CLSTN2: variants seen among roughly 807,000 people sequenced by gnomAD.
CLSTN2 encodes the protein calsyntenin 2.
In CLSTN2, 48 loss-of-function variants were observed where a neutral mutation model predicts 101.2. That is an observed-to-expected ratio of 0.47 (90% CI 0.38 to 0.60). The LOEUF (loss-of-function observed/expected upper bound fraction) is 0.60. Ranked by LOEUF, CLSTN2 falls within the 20% of genes least tolerant of loss-of-function variation. The probability of loss-of-function intolerance (pLI) is 0.00; values close to 1 mark genes in which losing one functional copy is unlikely to be tolerated. For missense variants in CLSTN2, 1,160 were observed against 1,238.2 expected, an observed-to-expected ratio of 0.94 and a Z score of 0.95; for synonymous variants, 481 against 463.6, an observed-to-expected ratio of 1.04 and a Z score of -0.48.
chr3:140,326,263 G>A (rs1423293842), intron 2 of CLSTN2, among the ~76,000 whole-genome samples: 2 of 152,182 alleles, frequency 1.3e-5, no homozygotes, highest in African/African-American at 4.8e-5. Flanking sequence ...CTTGTCAGCA[G>A]CATCTCACAA....
At chr3:140,292,694 T>G (rs1291655758) in intron 2 of CLSTN2, among the ~76,000 whole-genome samples, 1 of 152,222 alleles carries the variant, frequency 6.6e-6, no homozygotes, top group Non-Finnish European at 1.5e-5. Context: ...AGTAAGTTAC[T>G]TAACCTCTCT....
intron 9 of CLSTN2, among the ~76,000 whole-genome samples, chr3:140,533,511 C>T (rs1035625780): frequency 1.5e-4 from 23 of 151,880 alleles, no homozygotes; most frequent in Non-Finnish European, 2.9e-4. Context: ...AGATCGAGAC[C>T]ATCCTGGCTA....
At chr3:140,290,364 T>C (rs570174485) in intron 2 of CLSTN2, among the ~76,000 whole-genome samples, 1 of 152,268 alleles carries the variant, frequency 6.6e-6, no homozygotes, top group South Asian at 2.1e-4. Flanking sequence ...TCCCATCCTC[T>C]GGGGCATTAA....
At chr3:140,551,282 T>C (rs1463901155) in intron 10 of CLSTN2, among the ~76,000 whole-genome samples, 2 of 152,162 alleles carry the variant, frequency 1.3e-5, no homozygotes, top group African/African-American at 4.8e-5. Context: ...CCTTTTGTGA[T>C]TAAGGAAATT....
Position 140,288,510 on chromosome 3 carries a change from T to C in CLSTN2, c.232+112437T>C, listed in dbSNP as rs147772259. Among the ~76,000 whole-genome samples, 260 of 152,286 alleles carry C rather than the reference T, an allele frequency of 1.7e-3. 1 individual carries two copies. The highest frequency in any genetic ancestry group is 2.7e-3 in the Non-Finnish European group (185 of 68,008). On this transcript the variant is annotated intron_variant, in intron 2 of 16. Coordinates refer to ENST00000458420, the MANE Select transcript of CLSTN2 (RefSeq NM_022131.3). ...TTCAGCAGTGCTACTTGAGAAAAAG[T>C]GCAGCTAATTGAGACACTTTTATTC...
At chr3:140,144,445 T>TA (rs1425046915) in intron 1 of CLSTN2, among the ~76,000 whole-genome samples, 1 of 151,902 alleles carries the variant, frequency 6.6e-6, no homozygotes. Context: ...CCATCTCTAC[T>TA]AAAAAATACA....
chr3:140,403,679 G>C lies in CLSTN2; in HGVS notation c.283G>C (p.Val95Leu). 6.2e-7 allele frequency: 1 copy of C among 1,614,172 alleles called. No homozygotes were observed. The highest frequency in any genetic ancestry group is 8.5e-7 in the Non-Finnish European group (1 of 1,179,998). ...TGGCCAGGAGCTGCCCTTTGAGGCTGTGGTGCTCAACAAGACATCAGGAGA... is the reference window on the plus strand; with the variant it reads ...TGGCCAGGAGCTGCCCTTTGAGGCTCTGGTGCTCAACAAGACATCAGGAGA... Reference protein sequence around the residue: ...IHGQELPFEAVVLNKTSGEGR... With the variant: ...IHGQELPFEALVLNKTSGEGR... Residue 95 changes from valine (V) to leucine (L), a missense_variant, in exon 3 of 17, where the codon GTG (valine) becomes CTG (leucine). Coordinates refer to ENST00000458420, the MANE Select transcript of CLSTN2 (RefSeq NM_022131.3).
intron 2 of CLSTN2, among the ~76,000 whole-genome samples, chr3:140,273,826 G>A (rs1422247121): frequency 1.3e-5 from 2 of 152,174 alleles, no homozygotes; most frequent in African/African-American, 2.4e-5. Context: ...GCACTTTGTA[G>A]TTGATCAGTT....
chr3:140,067,567 G>A (rs1366909878), intron 1 of CLSTN2, among the ~76,000 whole-genome samples: 7 of 152,142 alleles, frequency 4.6e-5, no homozygotes, highest in Admixed American at 4.6e-4. Flanking sequence ...AGGAGAAGGT[G>A]GAGTCTCAGA....
At chr3:140,301,283 T>C (rs2087055680) in intron 2 of CLSTN2, among the ~76,000 whole-genome samples, 1 of 152,234 alleles carries the variant, frequency 6.6e-6, no homozygotes, top group Non-Finnish European at 1.5e-5. Flanking sequence ...AAAGCTGATA[T>C]TTTAAAAGTA....
At chr3:139,968,096 A>G (rs1399241415) in intron 1 of CLSTN2, among the ~76,000 whole-genome samples, 1 of 152,190 alleles carries the variant, frequency 6.6e-6, no homozygotes, top group African/African-American at 2.4e-5. Context: ...GAGAAGCCCA[A>G]ATAAGACTCT....
At chr3:139,981,795 C>G (rs557459269) in intron 1 of CLSTN2, among the ~76,000 whole-genome samples, 1 of 152,318 alleles carries the variant, frequency 6.6e-6, no homozygotes, top group African/African-American at 2.4e-5. Context: ...CACCCCAATG[C>G]CCTGAGAGCC....
intron 12 of CLSTN2, among the ~76,000 whole-genome samples, chr3:140,561,533 T>A (rs569465976): frequency 1.3e-5 from 2 of 152,250 alleles, no homozygotes; most frequent in African/African-American, 2.4e-5. Context: ...ATTGGTTATA[T>A]CATATTGACT....
intron 1 of CLSTN2, among the ~76,000 whole-genome samples, chr3:140,104,496 T>C (rs953812270): frequency 1.3e-5 from 2 of 152,230 alleles, no homozygotes; most frequent in African/African-American, 4.8e-5. Context: ...GCTAAGACTA[T>C]AGTAGTGTTA....
At chr3:140,495,432 A>G (rs999050057) in intron 8 of CLSTN2, among the ~76,000 whole-genome samples, 1 of 152,110 alleles carries the variant, frequency 6.6e-6, no homozygotes, top group Non-Finnish European at 1.5e-5. Context: ...CTCTGATGAT[A>G]GCTTCTTTTA....
intron 1 of CLSTN2, among the ~76,000 whole-genome samples, chr3:140,130,898 C>A (rs1296749109): frequency 6.6e-6 from 1 of 152,142 alleles, no homozygotes; most frequent in African/African-American, 2.4e-5. Context: ...ACTGACAACC[C>A]TTTACACCAT....
intron 10 of CLSTN2, among the ~76,000 whole-genome samples, chr3:140,555,904 A>T (rs1272674937): frequency 2.0e-5 from 3 of 152,100 alleles, no homozygotes; most frequent in East Asian, 1.9e-4. Flanking sequence ...AAATGGATAG[A>T]TAACAAACCC....
intron 2 of CLSTN2, among the ~76,000 whole-genome samples, chr3:140,271,866 T>C (rs1308471310): frequency 1.3e-5 from 2 of 152,224 alleles, no homozygotes; most frequent in African/African-American, 2.4e-5. Context: ...AGACACCAGA[T>C]GTGTAGGTTC....
intron 2 of CLSTN2, among the ~76,000 whole-genome samples, chr3:140,361,291 G>A (rs528295303): frequency 3.7e-4 from 56 of 152,238 alleles, no homozygotes; most frequent in African/African-American, 1.3e-3. Context: ...AAAAGGATGC[G>A]AAGAAATTCA....
Sources: gnomAD v4.1 joint callset for allele counts (sites outside exome capture counted in the v4.1 genomes callset) on GRCh38, gnomAD v4.1.1 for gene constraint, MANE v1.5 for transcripts, NCBI Gene and HGNC (gene_info 2026-07-23, HGNC 2026-07-21) for gene names.